Variants in RGS7BP observed in about 807,000 individuals in gnomAD.
The protein encoded by RGS7BP is regulator of G protein signaling 7-binding protein.
In RGS7BP, 9 loss-of-function variants were observed where a neutral mutation model predicts 31.3. That is an observed-to-expected ratio of 0.29 (90% CI 0.17 to 0.50). RGS7BP has a LOEUF of 0.50. RGS7BP is among the 20% of genes least tolerant of loss of function. RGS7BP has a pLI of 0.98. For missense variants in RGS7BP, 274 were observed against 322.0 expected, an observed-to-expected ratio of 0.85 and a Z score of 1.14; for synonymous variants, 115 against 120.1, an observed-to-expected ratio of 0.96 and a Z score of 0.28.
intron 2 of RGS7BP, among the ~76,000 whole-genome samples, chr5:64,567,348 A>G (rs1380903491): frequency 1.3e-5 from 2 of 152,112 alleles, no homozygotes; most frequent in Non-Finnish European, 2.9e-5. Flanking sequence ...ACAACTTGTC[A>G]TAATTAATTA....
At chr5:64,554,076 C>A (rs1027994672) in intron 2 of RGS7BP, among the ~76,000 whole-genome samples, 4 of 152,140 alleles carry the variant, frequency 2.6e-5, no homozygotes, top group Non-Finnish European at 4.4e-5. Flanking sequence ...TGCTCTTTGC[C>A]CTTCTCCACC....
intron 2 of RGS7BP, among the ~76,000 whole-genome samples, chr5:64,518,097 G>A (rs1749019880): frequency 6.6e-6 from 1 of 152,104 alleles, no homozygotes; most frequent in African/African-American, 2.4e-5. Flanking sequence ...AGCTCATTAA[G>A]GGAAATTGGA....
intron 2 of RGS7BP, among the ~76,000 whole-genome samples, chr5:64,541,749 A>AT (rs1171862321): frequency 3.3e-5 from 5 of 151,490 alleles, no homozygotes; most frequent in African/African-American, 1.2e-4. Context: ...CAGTAGCATT[A>AT]TTTTTTTTCA....
intron 3 of RGS7BP, among the ~76,000 whole-genome samples, chr5:64,579,089 T>C (rs1024561229): frequency 2.0e-5 from 3 of 152,170 alleles, no homozygotes; most frequent in Non-Finnish European, 2.9e-5. Context: ...GGCAAGTCTC[T>C]TGTGTTTCCA....
At chr5:64,515,231 G>A (rs755659178) in intron 2 of RGS7BP, among the ~76,000 whole-genome samples, 12 of 152,066 alleles carry the variant, frequency 7.9e-5, no homozygotes, top group Non-Finnish European at 1.3e-4. Context: ...TGAGAGATTC[G>A]ATTAGTTTAC....
intron 2 of RGS7BP, among the ~76,000 whole-genome samples, chr5:64,564,221 C>T (rs1742118964): frequency 6.6e-6 from 1 of 152,134 alleles, no homozygotes; most frequent in Admixed American, 6.6e-5. Flanking sequence ...CATGTTCTGC[C>T]TCACTCTGCC....
chr5:64,538,263 C>G (rs1741424225), intron 2 of RGS7BP, among the ~76,000 whole-genome samples: 1 of 151,944 alleles, frequency 6.6e-6, no homozygotes, highest in African/African-American at 2.4e-5. Context: ...TGAGTTTTGA[C>G]AAATGTGTAG....
chr5:64,521,864 C>A (rs1749115669), intron 2 of RGS7BP, among the ~76,000 whole-genome samples: 1 of 152,186 alleles, frequency 6.6e-6, no homozygotes, highest in South Asian at 2.1e-4. Context: ...CTGTTCTATG[C>A]TGCTGTAACA....
chr5:64,601,893 G>A (rs1192940134), intron 5 of RGS7BP, among the ~76,000 whole-genome samples: 2 of 152,336 alleles, frequency 1.3e-5, no homozygotes, highest in East Asian at 1.9e-4. Flanking sequence ...TAAGCCTGAA[G>A]GACAGTTTTG....
At chr5:64,521,445 C>T (rs537318649) in intron 2 of RGS7BP, among the ~76,000 whole-genome samples, 9 of 152,024 alleles carry the variant, frequency 5.9e-5, no homozygotes, top group African/African-American at 9.6e-5. Flanking sequence ...TTAGTAGAGA[C>T]GGGGTTTCAC....
chr5:64,555,311 C>T (rs757128262), intron 2 of RGS7BP, among the ~76,000 whole-genome samples: 2 of 152,208 alleles, frequency 1.3e-5, no homozygotes, highest in Non-Finnish European at 2.9e-5. Context: ...TGGCTGTTTT[C>T]TTATGAACTA....
rs1741856649 is a variant in RGS7BP, at chr5:64,553,877, C to A, written c.333-21897C>A. Among the ~76,000 whole-genome samples the A allele has an allele frequency of 2.0e-5, 3 of 151,930 alleles. No individual in the cohort carries two copies. In the South Asian group the frequency reaches 6.2e-4, roughly 31 times the overall value. The stretch of plus-strand genomic sequence containing the variant: ...GGAAAGGAAGAGAAATCTTCAGGGT[C>A]AAAAATGAATAGGGAACAAAAAGTG... On this transcript the variant is annotated intron_variant, in intron 2 of 5. Transcript: ENST00000334025.
At chr5:64,580,607 A>G (rs1742564751) in intron 3 of RGS7BP, among the ~76,000 whole-genome samples, 2 of 151,024 alleles carry the variant, frequency 1.3e-5, no homozygotes, top group South Asian at 4.2e-4. Flanking sequence ...AAATATAAAT[A>G]TATTTATTTA....
At chr5:64,579,694 A>G (rs1742538159) in intron 3 of RGS7BP, among the ~76,000 whole-genome samples, 1 of 152,100 alleles carries the variant, frequency 6.6e-6, no homozygotes, top group Non-Finnish European at 1.5e-5. Context: ...TATATACTAG[A>G]CAAATTTCCT....
intron 2 of RGS7BP, among the ~76,000 whole-genome samples, chr5:64,537,276 C>A (rs1330655273): frequency 6.6e-6 from 1 of 152,102 alleles, no homozygotes; most frequent in Non-Finnish European, 1.5e-5. Flanking sequence ...AAATAAAAAT[C>A]GCAAAAATAA....
chr5:64,523,445 T>C (rs1217740890), intron 2 of RGS7BP, among the ~76,000 whole-genome samples: 3 of 152,250 alleles, frequency 2.0e-5, no homozygotes, highest in African/African-American at 7.2e-5. Flanking sequence ...TGACTAAAAG[T>C]GGCTCTCAGC....
intron 2 of RGS7BP, among the ~76,000 whole-genome samples, chr5:64,523,851 T>A (rs1749168662): frequency 6.6e-6 from 1 of 152,234 alleles, no homozygotes; most frequent in Non-Finnish European, 1.5e-5. Context: ...CCCTCTCTTT[T>A]GCCAAGAAGA....
chr5:64,604,214 C>T (rs578045988), intron 5 of RGS7BP, among the ~76,000 whole-genome samples: 6 of 152,260 alleles, frequency 3.9e-5, no homozygotes, highest in African/African-American at 1.4e-4. Flanking sequence ...GGCCTATCCC[C>T]TGCCACCTTC....
chr5:64,606,749 T>C (rs1224773121), intron 5 of RGS7BP, among the ~76,000 whole-genome samples: 4 of 152,152 alleles, frequency 2.6e-5, no homozygotes, highest in Admixed American at 1.3e-4. Context: ...TGAGATGTTC[T>C]CCTGAAAACT....
Sources: allele counts gnomAD v4.1 joint callset (sites outside exome capture counted in the v4.1 genomes callset), GRCh38; gene constraint gnomAD v4.1.1; transcripts MANE v1.5; gene names NCBI Gene and HGNC (gene_info 2026-07-23, HGNC 2026-07-21).